The following PHF21B variants were observed in gnomAD, a reference collection of about 807,000 sequenced individuals.
The protein encoded by PHF21B is PHD finger protein 21B.
A neutral mutation model predicts 62.2 loss-of-function variants in PHF21B; 22 were observed. That is an observed-to-expected ratio of 0.35 (90% CI 0.25 to 0.51). The LOEUF (loss-of-function observed/expected upper bound fraction) is 0.51. Among genes scored for constraint, PHF21B ranks in the 20% least tolerant of loss-of-function variants. The pLI, the probability that PHF21B is intolerant of heterozygous loss-of-function variation, is 0.97. For missense variants in PHF21B, 701 were observed against 707.9 expected, an observed-to-expected ratio of 0.99 and a Z score of 0.11; for synonymous variants, 341 against 314.7, an observed-to-expected ratio of 1.08 and a Z score of -0.88.
intron 2 of PHF21B, chr22:44,968,977 T>A (rs2072585320): frequency 6.6e-6 from 1 of 152,174 alleles, no homozygotes; most frequent in African/African-American, 2.4e-5. Flanking sequence ...GTCCCATTAT[T>A]CTGTTTTTTG....
intron 2 of PHF21B, among the ~76,000 whole-genome samples, chr22:44,976,751 G>A (rs575432300): frequency 6.6e-6 from 1 of 152,320 alleles, no homozygotes; most frequent in African/African-American, 2.4e-5. Context: ...ACATACAGAT[G>A]TTTTATTAAG....
At chr22:44,984,363 A>G (rs34128624) in intron 2 of PHF21B, among the ~76,000 whole-genome samples, 96,101 of 151,502 alleles carry the variant, frequency 0.63, 32,651 homozygotes, top group East Asian at 0.87. Flanking sequence ...CCATCTGGTC[A>G]GGTGGCCAGG....
intron 2 of PHF21B, among the ~76,000 whole-genome samples, chr22:44,921,748 T>C (rs1162971650): frequency 6.6e-6 from 1 of 151,340 alleles, no homozygotes; most frequent in Non-Finnish European, 1.5e-5. Flanking sequence ...AACCTCCGCC[T>C]CCTAGGTTCA....
chr22:45,007,103 C>CG (rs999001021), intron 2 of PHF21B, among the ~76,000 whole-genome samples: 3 of 150,634 alleles, frequency 2.0e-5, no homozygotes, highest in South Asian at 2.1e-4. Context: ...CGGCCGGGGG[C>CG]GGGGGGGCCG....
intron 2 of PHF21B, among the ~76,000 whole-genome samples, chr22:44,979,896 C>A (rs1051904026): frequency 1.3e-5 from 2 of 151,636 alleles, no homozygotes; most frequent in Non-Finnish European, 2.9e-5. Context: ...TGGTGAAACC[C>A]GGTCTCTACT....
chr22:45,008,721 C>A (rs1176854996), intron 1 of PHF21B, 111 bp from the exon 2 acceptor site: 2 of 1,169,132 alleles, frequency 1.7e-6, no homozygotes, highest in African/African-American at 3.2e-5. Flanking sequence ...GGGCCGGCCG[C>A]AGCGCACCCC....
At chr22:44,947,248 G>A (rs985270440) in intron 2 of PHF21B, among the ~76,000 whole-genome samples, 1 of 151,798 alleles carries the variant, frequency 6.6e-6, no homozygotes, top group Non-Finnish European at 1.5e-5. Flanking sequence ...TCCAGTCTGT[G>A]TGTTGCCATT....
intron 9 of PHF21B, 78 bp downstream of exon 9, chr22:44,889,682 C>T: frequency 6.6e-7 from 1 of 1,504,586 alleles, no homozygotes; most frequent in Non-Finnish European, 9.0e-7. Flanking sequence ...TCCCTCTTTC[C>T]AGGAGGGACC....
intron 2 of PHF21B, among the ~76,000 whole-genome samples, chr22:44,956,823 G>A (rs1249158385): frequency 6.6e-6 from 1 of 151,724 alleles, no homozygotes; most frequent in Non-Finnish European, 1.5e-5. Context: ...TCCACGCGGT[G>A]GGCTCTCCCT....
chr22:44,913,229 T>C (rs1205550536), intron 5 of PHF21B, among the ~76,000 whole-genome samples: 1 of 152,214 alleles, frequency 6.6e-6, no homozygotes, highest in Non-Finnish European at 1.5e-5. Context: ...CATCTGCACC[T>C]CTCGTGCCAG....
intron 8 of PHF21B, 138 bp from the exon 9 acceptor site, chr22:44,889,920 A>G: frequency 5.8e-6 from 5 of 856,236 alleles, no homozygotes; most frequent in Non-Finnish European, 8.4e-6. Flanking sequence ...CCCCCATGAT[A>G]CCTGGGCTCT....
intron 2 of PHF21B, among the ~76,000 whole-genome samples, chr22:44,957,985 C>T (rs2072335643): frequency 6.6e-6 from 1 of 151,748 alleles, no homozygotes; most frequent in Non-Finnish European, 1.5e-5. Context: ...TCACCACAAC[C>T]TCCACCTCCC....
intron 2 of PHF21B, among the ~76,000 whole-genome samples, chr22:44,955,855 T>G (rs1005285192): frequency 1.3e-5 from 2 of 152,164 alleles, no homozygotes; most frequent in Non-Finnish European, 2.9e-5. Context: ...GAGCCCTGAC[T>G]GATGTGGGTG....
intron 2 of PHF21B, among the ~76,000 whole-genome samples, chr22:44,950,859 A>G (rs2072179011): frequency 6.6e-6 from 1 of 152,096 alleles, no homozygotes; most frequent in Admixed American, 6.5e-5. Flanking sequence ...GAGACGCTTG[A>G]TTTTTTTCTT....
At chr22:44,962,937 G>T (rs1418417930) in intron 2 of PHF21B, among the ~76,000 whole-genome samples, 1 of 152,182 alleles carries the variant, frequency 6.6e-6, no homozygotes, top group Non-Finnish European at 1.5e-5. Context: ...GCACCATGAT[G>T]ATAAAACAAA....
In PHF21B at chr22:45,008,588, A is replaced by G. The variant is rs2073369124; in HGVS notation, c.77T>C (p.Leu26Pro). Residue 26 changes from leucine (L) to proline (P), a missense_variant, in exon 2 of 13, where the codon CTC becomes CCC. Physicochemically the swap from Leu to Pro is moderately conservative, Grantham distance 98. Transcript: ENST00000313237. The part of the protein sequence containing the change: ...RHQNGDLKKQ[L>P]HERQPRIAAL... Reference sequence around the variant, plus strand: ...GGCGATCCGCGGCTGCCTTTCGTGGAGCTGCTTCTTGAGGTCGCCGTTCTG... The same window carrying G: ...GGCGATCCGCGGCTGCCTTTCGTGGGGCTGCTTCTTGAGGTCGCCGTTCTG... The G allele has an allele frequency of 6.3e-7, 1 of 1,589,516 alleles. No homozygotes were observed. Among genetic ancestry groups the G allele is most frequent in the Non-Finnish European group, 8.6e-7 (1 of 1,168,710 alleles).
At chr22:44,965,508 T>C (rs1238518025) in intron 2 of PHF21B, among the ~76,000 whole-genome samples, 2 of 150,232 alleles carry the variant, frequency 1.3e-5, no homozygotes, top group Admixed American at 1.3e-4. Flanking sequence ...CTCCTGTCAG[T>C]CCAGGTTCTC....
chr22:44,914,205 T>G, intron 4 of PHF21B, 117 bp from the exon 5 acceptor site: 1 of 566,338 alleles, frequency 1.8e-6, no homozygotes, highest in Non-Finnish European at 3.2e-6. Flanking sequence ...CAGGCCAACC[T>G]GGGAGGGCGG....
chr22:44,995,500 G>A (rs1003112313), intron 2 of PHF21B, among the ~76,000 whole-genome samples: 10 of 152,058 alleles, frequency 6.6e-5, no homozygotes, highest in African/African-American at 2.4e-4. Flanking sequence ...GAAGAGTCCC[G>A]AGGCACTCTG....
Sources: allele counts gnomAD v4.1 joint callset (sites outside exome capture counted in the v4.1 genomes callset), GRCh38; gene constraint gnomAD v4.1.1; transcripts MANE v1.5; gene names NCBI Gene and HGNC (gene_info 2026-07-23, HGNC 2026-07-21).